GCNT1: variants seen among roughly 807,000 people sequenced by gnomAD.
The protein encoded by GCNT1 is glucosaminyl (N-acetyl) transferase 1.
GCNT1 carries 16 observed loss-of-function variants against 26.2 expected under a neutral mutation model. That is an observed-to-expected ratio of 0.61 (90% CI 0.41 to 0.93). GCNT1 has a LOEUF of 0.93. Among genes scored for constraint, GCNT1 ranks in the 40% least tolerant of loss-of-function variants. The probability of loss-of-function intolerance (pLI) is 0.00; values close to 1 mark genes in which losing one functional copy is unlikely to be tolerated. For missense variants in GCNT1, 477 were observed against 526.7 expected (o/e 0.91, Z 0.92); for synonymous variants, 183 against 190.8 (o/e 0.96, Z 0.34).
chr9:76,414,521 G>C, the GCNT1 span, among the ~76,000 whole-genome samples: 1 of 152,122 alleles, frequency 6.6e-6, no homozygotes, highest in Admixed American at 6.5e-5. Context: ...AGCAACCAGG[G>C]GGCTGCTGGT....
intron 2 of GCNT1, among the ~76,000 whole-genome samples, chr9:76,465,228 C>T (rs556822481): frequency 6.6e-6 from 1 of 151,332 alleles, no homozygotes; most frequent in East Asian, 1.9e-4. Flanking sequence ...GGTGCAATCT[C>T]GGCTCACTGC....
intron 2 of GCNT1, among the ~76,000 whole-genome samples, chr9:76,480,563 G>A (rs1008126739): frequency 3.9e-5 from 6 of 152,170 alleles, no homozygotes; most frequent in East Asian, 1.9e-4. Context: ...TAGGCAGAAA[G>A]GGTAGGTGTC....
intron 1 of GCNT1, among the ~76,000 whole-genome samples, chr9:76,420,996 A>G (rs1823183525): frequency 6.6e-6 from 1 of 152,048 alleles, no homozygotes; most frequent in African/African-American, 2.4e-5. Context: ...TCATTCTCAA[A>G]ACAAACAAAT....
chr9:76,439,859 G>T (rs1587411400), upstream of GCNT1, among the ~76,000 whole-genome samples: 1 of 152,122 alleles, frequency 6.6e-6, no homozygotes, highest in South Asian at 2.1e-4. Context: ...TAGCACTTTG[G>T]GAGGCTGAGG....
chr9:76,458,154 GTC>G (rs1408222436), upstream of GCNT1, among the ~76,000 whole-genome samples: 3 of 146,404 alleles, frequency 2.0e-5, no homozygotes, highest in African/African-American at 7.6e-5. Context: ...ACATATCACA[GTC>G]TAATGGCCTC....
At chr9:76,495,827 AAT>A (rs1564245696) in intron 2 of GCNT1, among the ~76,000 whole-genome samples, 1 of 152,220 alleles carries the variant, frequency 6.6e-6, no homozygotes, top group South Asian at 2.1e-4. Context: ...GTCTTCAGAA[AAT>A]ATATTGTGCC....
the GCNT1 span, among the ~76,000 whole-genome samples, chr9:76,402,013 A>G: frequency 6.6e-6 from 1 of 152,244 alleles, no homozygotes; most frequent in African/African-American, 2.4e-5. Context: ...GATGAAGTCC[A>G]CTTAGCAAAG....
chr9:76,428,265 C>CAAAAAAAAAG (rs1823283398), intron 1 of GCNT1, among the ~76,000 whole-genome samples: 1 of 29,774 alleles, frequency 3.4e-5, no homozygotes, highest in Non-Finnish European at 6.7e-5. Flanking sequence ...GACTCCGTCT[C>CAAAAAAAAAG]AAAAAAAAAA....
chr9:76,449,742 G>T (rs1474236574), intron 1 of GCNT1, among the ~76,000 whole-genome samples: 1 of 152,062 alleles, frequency 6.6e-6, no homozygotes, highest in African/African-American at 2.4e-5. Context: ...TTTTTTCTGT[G>T]AAGCTTACAT....
At chr9:76,489,289 G>C (rs965467743) in intron 2 of GCNT1, among the ~76,000 whole-genome samples, 1 of 152,204 alleles carries the variant, frequency 6.6e-6, no homozygotes, top group East Asian at 1.9e-4. Context: ...TAATCATAAT[G>C]TGTCTGGAGT....
intron 2 of GCNT1, among the ~76,000 whole-genome samples, chr9:76,460,542 C>T (rs1823849576): frequency 6.6e-6 from 1 of 152,148 alleles, no homozygotes; most frequent in Non-Finnish European, 1.5e-5. Flanking sequence ...CTGCTAGGAG[C>T]TTAGGCAATT....
chr9:76,461,175 A>T (rs1181181964), intron 2 of GCNT1, among the ~76,000 whole-genome samples: 2 of 146,338 alleles, frequency 1.4e-5, no homozygotes, highest in Non-Finnish European at 3.0e-5. Context: ...ATTCCCATTC[A>T]GCCATACAGT....
intron 1 of GCNT1, among the ~76,000 whole-genome samples, chr9:76,453,139 G>A (rs1436273050): frequency 1.3e-5 from 2 of 152,178 alleles, no homozygotes; most frequent in African/African-American, 4.8e-5. Context: ...AGTATTGGGT[G>A]TCATCTGTTC....
chr9:76,428,290 C>A (rs879584862), intron 1 of GCNT1, among the ~76,000 whole-genome samples: 1,713 of 68,200 alleles, frequency 0.025, 5 homozygotes, highest in Non-Finnish European at 0.034. Context: ...AAAAAAAAAA[C>A]TTAAAAAAAA....
At chr9:76,406,403 A>G in the GCNT1 span, among the ~76,000 whole-genome samples, 4 of 151,638 alleles carry the variant, frequency 2.6e-5, no homozygotes, top group African/African-American at 4.8e-5. Context: ...AGGCTGAGGT[A>G]GAAAGATCAC....
chr9:76,447,835 T>C (rs1823603257), intron 1 of GCNT1, among the ~76,000 whole-genome samples: 1 of 152,232 alleles, frequency 6.6e-6, no homozygotes, highest in Non-Finnish European at 1.5e-5. Context: ...AGCATGTCAG[T>C]CCACAATCCC....
At chr9:76,488,744 A>G (rs1824649465) in intron 2 of GCNT1, among the ~76,000 whole-genome samples, 1 of 152,224 alleles carries the variant, frequency 6.6e-6, no homozygotes, top group African/African-American at 2.4e-5. Flanking sequence ...TCGTCCTCCC[A>G]AAGTTCTGGG....
At chr9:76,417,754 A>G (rs1168905312), upstream of GCNT1, among the ~76,000 whole-genome samples, 2 of 152,186 alleles carry the variant, frequency 1.3e-5, no homozygotes, top group South Asian at 2.1e-4. Flanking sequence ...AATAATTTTC[A>G]TATCACTTTT....
At chr9:76,435,557 C>G (rs1004243043) in intron 1 of GCNT1, among the ~76,000 whole-genome samples, 3 of 152,184 alleles carry the variant, frequency 2.0e-5, no homozygotes, top group Non-Finnish European at 4.4e-5. Flanking sequence ...GGTGAGGCTT[C>G]TCTTTCTGGT....
Sources: allele counts gnomAD v4.1 joint callset (sites outside exome capture counted in the v4.1 genomes callset), GRCh38; gene constraint gnomAD v4.1.1; transcripts MANE v1.5; gene names NCBI Gene and HGNC (gene_info 2026-07-23, HGNC 2026-07-21).